CAGE1: variants seen among roughly 807,000 people sequenced by gnomAD.
The protein encoded by CAGE1 is cancer-associated gene 1 protein.
Under a neutral mutation model 94.9 loss-of-function variants are expected in CAGE1, and 66 were observed. The ratio of observed to expected loss-of-function variants is 0.70; its 90% CI spans 0.57 to 0.85. The LOEUF (loss-of-function observed/expected upper bound fraction) is 0.85. Among genes scored for constraint, CAGE1 ranks in the 40% least tolerant of loss-of-function variants. The probability of loss-of-function intolerance (pLI) is 0.00; values close to 1 mark genes in which losing one functional copy is unlikely to be tolerated. For synonymous variants in CAGE1, 319 were observed against 321.0 expected, an observed-to-expected ratio of 0.99 and a Z score of 0.07; for missense variants, 865 against 950.4, an observed-to-expected ratio of 0.91 and a Z score of 1.18.
chr6:7,364,804 G>A (rs1760271282), intron 9 of CAGE1, among the ~76,000 whole-genome samples: 1 of 152,010 alleles, frequency 6.6e-6, no homozygotes, highest in South Asian at 2.1e-4. Context: ...TTACAAAAGA[G>A]GAAAGCTTTG....
chr6:7,388,281 C>T (rs1415659764), intron 1 of CAGE1, among the ~76,000 whole-genome samples: 1 of 152,308 alleles, frequency 6.6e-6, no homozygotes, highest in East Asian at 1.9e-4. Flanking sequence ...TCCCTGCAGA[C>T]AGATAATGTT....
At chr6:7,326,923 T>C (rs1758559372) in intron 13 of CAGE1, 24 bp from the exon 14 acceptor site, 11 of 1,570,490 alleles carry the variant, frequency 7.0e-6, no homozygotes, top group Non-Finnish European at 9.6e-6. Flanking sequence ...GAAAAATGTT[T>C]CGTAAGTTTT....
At chr6:7,382,734 A>AC (rs1330362385) in intron 3 of CAGE1, among the ~76,000 whole-genome samples, 1 of 151,474 alleles carries the variant, frequency 6.6e-6, no homozygotes, top group South Asian at 2.1e-4. Flanking sequence ...ACATGGTGAA[A>AC]CCCTGTTTCT....
At chr6:7,341,633 C>T (rs566191999) in intron 11 of CAGE1, 2 of 753,588 alleles carry the variant, frequency 2.7e-6, no homozygotes, top group African/African-American at 1.7e-5. Context: ...GTGTTTGCAA[C>T]AGTGATCTCA....
chr6:7,367,736 G>A (rs1247676303), intron 7 of CAGE1, among the ~76,000 whole-genome samples: 3 of 152,134 alleles, frequency 2.0e-5, no homozygotes, highest in South Asian at 2.1e-4. Context: ...CCCGCAACAC[G>A]TCAGTTCAGA....
At chr6:7,328,904 GTGTGTGTGTGTGTGTATATATA>G (rs1561843807) in intron 13 of CAGE1, among the ~76,000 whole-genome samples, 3 of 93,178 alleles carry the variant, frequency 3.2e-5, no homozygotes, top group African/African-American at 8.5e-5. Flanking sequence ...GTGTGTGTGT[GTGTGTGTGTGTGTGTATATATA>G]TATATATATT....
At chr6:7,333,789 C>CT (rs1242012964) in intron 12 of CAGE1, among the ~76,000 whole-genome samples, 66 of 107,302 alleles carry the variant, frequency 6.2e-4, no homozygotes, top group Non-Finnish European at 9.4e-4. Context: ...CTGCCTCAGC[C>CT]CCCCAGTAGC....
intron 11 of CAGE1, among the ~76,000 whole-genome samples, chr6:7,345,509 A>G (rs1759448632): frequency 6.6e-6 from 1 of 152,194 alleles, no homozygotes; most frequent in Non-Finnish European, 1.5e-5. Context: ...TTTCAGCAAG[A>G]TCACTCTGGC....
At chr6:7,382,039 C>T (rs536073101) in intron 3 of CAGE1, among the ~76,000 whole-genome samples, 22 of 151,104 alleles carry the variant, frequency 1.5e-4, no homozygotes, top group African/African-American at 5.1e-4. Context: ...GGGGTTTCAC[C>T]GTGTTAGCCA....
At position 7,387,002 on chromosome 6, in the gene CAGE1, C is replaced by A; in HGVS notation, c.172G>T (p.Gly58Cys). 1.9e-6 allele frequency: 3 copies of A among 1,551,738 alleles called. No individual in the cohort carries two copies. Among genetic ancestry groups the A allele is most frequent in the African/African-American group, 2.7e-5 (2 of 73,118 alleles). ...SHSPICMETT[G>C]TTCDLPQNEI... ...ACCTGAGGCAAGTCACAAGTGGTGCCGGTGGTTTCCATACAGATTGGAGAA... is the reference window on the plus strand; with the variant it reads ...ACCTGAGGCAAGTCACAAGTGGTGCAGGTGGTTTCCATACAGATTGGAGAA... The change falls in exon 2 of 14, where the codon GGC (glycine) becomes TGC (cysteine). Residue 58 changes from glycine to cysteine, a missense_variant. Gly to Cys is a radical substitution (Grantham distance 159). Transcript: ENST00000502583.
chr6:7,386,919 G>T, intron 2 of CAGE1, 60 bp downstream of exon 2: 2 of 1,132,352 alleles, frequency 1.8e-6, no homozygotes, highest in Non-Finnish European at 2.6e-6. Flanking sequence ...ATTTTCATAT[G>T]GAAGACAATG....
chr6:7,345,738 T>C (rs928969956), intron 11 of CAGE1, among the ~76,000 whole-genome samples: 2 of 151,772 alleles, frequency 1.3e-5, no homozygotes, highest in Non-Finnish European at 2.9e-5. Flanking sequence ...CCATCCTGGC[T>C]GACTAAAACC....
At chr6:7,369,682 T>C (rs904722455) in intron 6 of CAGE1, among the ~76,000 whole-genome samples, 2 of 152,224 alleles carry the variant, frequency 1.3e-5, no homozygotes, top group Admixed American at 6.5e-5. Context: ...GGGTTCTTTT[T>C]ATCTTATTAC....
Position 7,378,652 on chromosome 6 carries a change from G to C in CAGE1, c.652C>G (p.Leu218Val), listed in dbSNP as rs1342673851. ...AAGCTTGGAGGTTGGCTAGGGTTGA[G>C]GGCAGATTCCTTGGCAATACTTTTA... ...LAKSIAKESA[L>V]NPSQPPSFLC... The change falls in exon 4 of 14, where the codon CTC (leucine) becomes GTC (valine). Residue 218 changes from leucine (L) to valine (V), a missense_variant. Coordinates refer to ENST00000502583, the MANE Select transcript of CAGE1 (RefSeq NM_001170692.2). 1.9e-6 allele frequency: 3 copies of C among 1,607,714 alleles called. No homozygotes were observed. The African/African-American group carries it at 4.0e-5, about 22-fold the overall frequency.
At chr6:7,370,291 A>AATTT (rs911033653) in intron 5 of CAGE1, among the ~76,000 whole-genome samples, 4 of 152,046 alleles carry the variant, frequency 2.6e-5, no homozygotes, top group African/African-American at 4.8e-5. Context: ...CATAAATAAC[A>AATTT]ATTTATTTAT....
At chr6:7,353,221 G>T (rs1298929315) in intron 11 of CAGE1, among the ~76,000 whole-genome samples, 1 of 152,102 alleles carries the variant, frequency 6.6e-6, no homozygotes, top group Non-Finnish European at 1.5e-5. Flanking sequence ...ATCAAAAAGT[G>T]GGCTAAGGAC....
intron 11 of CAGE1, among the ~76,000 whole-genome samples, chr6:7,337,547 G>A (rs1249126829): frequency 6.6e-6 from 1 of 152,080 alleles, no homozygotes; most frequent in African/African-American, 2.4e-5. Context: ...CGTATGTGGT[G>A]GAGTGTATAA....
At chr6:7,353,759 G>T (rs1376280123) in intron 11 of CAGE1, among the ~76,000 whole-genome samples, 1 of 149,334 alleles carries the variant, frequency 6.7e-6, no homozygotes, top group Non-Finnish European at 1.5e-5. Flanking sequence ...ATACTACTCA[G>T]CCATAAAAAG....
chr6:7,340,154 A>G (rs1349859631), intron 11 of CAGE1, among the ~76,000 whole-genome samples: 2 of 152,130 alleles, frequency 1.3e-5, no homozygotes, highest in African/African-American at 4.8e-5. Context: ...TTTGATTTGC[A>G]TTTCCCTGAT....
Sources: allele counts gnomAD v4.1 joint callset (sites outside exome capture counted in the v4.1 genomes callset), GRCh38; gene constraint gnomAD v4.1.1; transcripts MANE v1.5; gene names NCBI Gene and HGNC (gene_info 2026-07-23, HGNC 2026-07-21).